Variants in DCLRE1C observed in about 807,000 individuals in gnomAD.
The protein encoded by DCLRE1C is protein artemis.
Under a neutral mutation model 61.4 loss-of-function variants are expected in DCLRE1C, and 47 were observed. The observed-to-expected ratio is 0.77, with a 90% CI of 0.61 to 0.98. DCLRE1C has a LOEUF of 0.98. Ranked by LOEUF, DCLRE1C falls within the 50% of genes least tolerant of loss-of-function variation. DCLRE1C has a pLI of 0.00. For synonymous variants in DCLRE1C, 337 were observed against 287.6 expected, an observed-to-expected ratio of 1.17 and a Z score of -1.74; for missense variants, 858 against 816.0, an observed-to-expected ratio of 1.05 and a Z score of -0.63.
intron 11 of DCLRE1C, 48 bp from the exon 12 acceptor site, chr10:14,923,117 G>C (rs370455394): frequency 7.9e-6 from 11 of 1,399,968 alleles, no homozygotes; most frequent in East Asian, 2.3e-5. Flanking sequence ...CGATGAAACA[G>C]GTTGTTAGGG....
intron 3 of DCLRE1C, among the ~76,000 whole-genome samples, chr10:14,941,585 C>A (rs2131054020): frequency 6.6e-6 from 1 of 152,316 alleles, no homozygotes; most frequent in African/African-American, 2.4e-5. Flanking sequence ...CCAAGCCTAG[C>A]CATATCAGTT....
At chr10:14,921,673 C>G (rs10128350) in intron 12 of DCLRE1C, among the ~76,000 whole-genome samples, 23,343 of 152,094 alleles carry the variant, frequency 0.15, 1,887 homozygotes, top group Admixed American at 0.17. Context: ...CTTCTCAAGA[C>G]ACTCCATGGG....
rs535113734 is a variant in DCLRE1C at position 14,912,366 on chromosome 10, G to A, written c.1157-3036C>T. On this transcript the variant is annotated intron_variant, in intron 13 of 13. Transcript: ENST00000378278. ...CCACTATGCCTGGCCTCCTGTTTAA[G>A]CTACCTAGTATGTGTTATTTTCTTA... 4.6e-5 allele frequency among the ~76,000 whole-genome samples: 7 copies of A among 152,064 alleles called. No individual in the cohort carries two copies. In the East Asian group the frequency reaches 1.2e-3, roughly 25 times the overall value.
At chr10:14,954,279 G>C, upstream of DCLRE1C, 1 of 563,594 alleles carries the variant, frequency 1.8e-6, no homozygotes, top group Admixed American at 3.1e-5. Context: ...GCTCATTCCC[G>C]CCCAACAAAC....
At chr10:14,911,210 G>T (rs1254636384) in intron 13 of DCLRE1C, 1 of 152,186 alleles carries the variant, frequency 6.6e-6, no homozygotes, top group South Asian at 2.1e-4. Flanking sequence ...ACAGTGTCTT[G>T]TCCTGGTCCC....
At chr10:14,909,473 C>T (rs1834882804) in intron 13 of DCLRE1C, 143 bp from the exon 14 acceptor site, 1 of 737,516 alleles carries the variant, frequency 1.4e-6, no homozygotes. Context: ...TTGGGATATG[C>T]TGAACAATTT....
downstream of DCLRE1C, chr10:14,902,403 C>T: frequency 6.3e-7 from 1 of 1,588,712 alleles, no homozygotes; most frequent in Non-Finnish European, 8.6e-7. Context: ...TCTGTGTCTT[C>T]AGGTTCTGGA....
intron 13 of DCLRE1C, among the ~76,000 whole-genome samples, chr10:14,919,251 A>G (rs1432389317): frequency 1.3e-5 from 2 of 152,198 alleles, no homozygotes; most frequent in African/African-American, 2.4e-5. Flanking sequence ...TTCACTAGAA[A>G]AATCAAAGTA....
chr10:14,926,510 T>G (rs576016993), intron 11 of DCLRE1C, among the ~76,000 whole-genome samples: 1 of 151,928 alleles, frequency 6.6e-6, no homozygotes, highest in Non-Finnish European at 1.5e-5. Flanking sequence ...AAATTTTAGC[T>G]GGGCATGGTG....
chr10:14,919,020 G>A lies in DCLRE1C; in HGVS notation c.1156+718C>T, dbSNP rs41299734. ...AGAGGCTTATCTATAACATATGTAAGGGACCTAGCACAATACCTGCCATTA... is the reference window on the plus strand; with the variant it reads ...AGAGGCTTATCTATAACATATGTAAAGGACCTAGCACAATACCTGCCATTA... On this transcript the variant is annotated intron_variant, in intron 13 of 13. Transcript: ENST00000378278. Among the ~76,000 whole-genome samples, 997 of 152,106 alleles carry A rather than the reference G, an allele frequency of 6.6e-3. 10 individuals are homozygous for A. The highest frequency in any genetic ancestry group is 0.022 in the African/African-American group (932 of 41,500).
At position 14,921,375 on chromosome 10, in the gene DCLRE1C, A is replaced by G. The variant is rs139568749; in HGVS notation, c.1062-1543T>C. On this transcript the variant is annotated intron_variant, in intron 12 of 13. Coordinates refer to ENST00000378278, the MANE Select transcript of DCLRE1C (RefSeq NM_001033855.3). ...GTGATTCCTAAACACATCCAAGTTT[A>G]TGTATATTCAAGTTTAGTTCTACAG... is the stretch of plus-strand genomic sequence containing the variant. Among the ~76,000 whole-genome samples, 789 of 152,282 alleles carry G rather than the reference A, an allele frequency of 5.2e-3. 4 individuals are homozygous for G. Among genetic ancestry groups the G allele is most frequent in the African/African-American group, 0.018 (747 of 41,580 alleles).
chr10:14,941,725 T>C (rs182099459), intron 3 of DCLRE1C, among the ~76,000 whole-genome samples: 3 of 152,176 alleles, frequency 2.0e-5, no homozygotes, highest in Non-Finnish European at 1.5e-5. Flanking sequence ...CCAACATCAT[T>C]GCCTTCTTTT....
Position 14,909,278 on chromosome 10 carries a change from G to A in DCLRE1C, c.1209C>T (p.His403=). The part of the protein sequence containing the change: ...FDDPLPIPLR[H]KVPYPETFHP... ...GAAAAGTTTCCGGGTATGGAACTTT[G>A]TGCCTTAAAGGTATTGGCAGAGGAT... Residue 403 remains histidine (H), a synonymous_variant, in exon 14 of 14, where the codon CAC becomes CAT. Coordinates refer to ENST00000378278, the MANE Select transcript of DCLRE1C (RefSeq NM_001033855.3). The A allele has an allele frequency of 6.2e-7, 1 of 1,613,802 alleles. No homozygotes were observed. Among genetic ancestry groups the A allele is most frequent in the Non-Finnish European group, 8.5e-7 (1 of 1,179,954 alleles).
intron 13 of DCLRE1C, among the ~76,000 whole-genome samples, chr10:14,913,972 TACTTG>T (rs1334734882): frequency 1.3e-5 from 2 of 152,194 alleles, no homozygotes; most frequent in East Asian, 3.8e-4. Context: ...AGTCAGTAAT[TACTTG>T]ACCTGAAAGA....
Position 14,907,895 on chromosome 10 carries a change from CTT to C in DCLRE1C, c.*511_*512del, listed in dbSNP as rs1834578923. The C allele has an allele frequency of 1.4e-5, 1 of 72,060 alleles. No homozygotes were observed. 4.5% of individuals were successfully genotyped at this position (72,060 alleles called of 1,614,324 possible). On this transcript the variant is annotated 3_prime_UTR_variant, in exon 14 of 14. Transcript: ENST00000378278. ...TTTTTTTTTGAGACAGAGTTTTGCT[CTT>C]GTTGCCCAGGCTGGAGTGCAATGAC...
intron 2 of DCLRE1C, among the ~76,000 whole-genome samples, chr10:14,946,686 G>C (rs1053056729): frequency 6.6e-6 from 1 of 151,536 alleles, no homozygotes; most frequent in Non-Finnish European, 1.5e-5. Context: ...TTTAGGGGGA[G>C]GGGAGCTCAC....
chr10:14,925,798 G>C (rs1476086688), intron 11 of DCLRE1C, among the ~76,000 whole-genome samples: 1 of 152,114 alleles, frequency 6.6e-6, no homozygotes, highest in African/African-American at 2.4e-5. Context: ...GAAAAACATG[G>C]CACTTAATAG....
At chr10:14,912,001 G>A (rs1192978827) in intron 13 of DCLRE1C, among the ~76,000 whole-genome samples, 1 of 152,246 alleles carries the variant, frequency 6.6e-6, no homozygotes, top group Non-Finnish European at 1.5e-5. Flanking sequence ...TGTATTCAGT[G>A]TGGGAATGTT....
chr10:14,910,473 T>C (rs766758127), intron 13 of DCLRE1C, among the ~76,000 whole-genome samples: 32 of 152,164 alleles, frequency 2.1e-4, no homozygotes, highest in Non-Finnish European at 2.9e-4. Flanking sequence ...CCCAGCTAAT[T>C]TTTTTTAGAC....
Sources: allele counts gnomAD v4.1 joint callset (sites outside exome capture counted in the v4.1 genomes callset), GRCh38; gene constraint gnomAD v4.1.1; transcripts MANE v1.5; gene names NCBI Gene and HGNC (gene_info 2026-07-23, HGNC 2026-07-21).